PLCB3: variants seen among roughly 807,000 people sequenced by gnomAD.
PLCB3 encodes phospholipase C beta 3.
PLCB3 carries 54 observed loss-of-function variants against 152.1 expected under a neutral mutation model. The ratio of observed to expected loss-of-function variants is 0.36; its 90% CI spans 0.29 to 0.45. The LOEUF is 0.45. PLCB3 is among the 20% of genes least tolerant of loss of function. The probability of loss-of-function intolerance (pLI) is 1.00; values close to 1 mark genes in which losing one functional copy is unlikely to be tolerated. For synonymous variants in PLCB3, 717 were observed against 698.7 expected, an observed-to-expected ratio of 1.03 and a Z score of -0.41; for missense variants, 1,248 against 1,687.5, an observed-to-expected ratio of 0.74 and a Z score of 4.56.
rs1459030393 is a variant in PLCB3 at position 64,266,038 on chromosome 11, A to AGGTAGG, written c.3189+2_3189+7dup. 2 of 1,614,022 alleles carry AGGTAGG rather than the reference A, an allele frequency of 1.2e-6. No individual in the cohort carries two copies. The highest frequency in any genetic ancestry group is 1.7e-6 in the Non-Finnish European group (2 of 1,180,000). ...CAGCGGAGGCTGGAACACCTGAGAC[A>AGGTAGG]GGTAGGGGGCCTGCAGTGGCCAGGG... On this transcript the variant is annotated inframe_insertion and splice_region_variant, in exon 26 of 31. Transcript: ENST00000279230. The surrounding 1 kb of genome is among the most constrained non-coding windows in gnomAD (Gnocchi z 4.9).
chr11:64,260,967 A>G (rs571413457), intron 14 of PLCB3, among the ~76,000 whole-genome samples: 1 of 152,264 alleles, frequency 6.6e-6, no homozygotes, highest in South Asian at 2.1e-4. Context: ...CATGATGTCT[A>G]TAATTTACTC....
At chr11:64,254,626 G>T in intron 2 of PLCB3, 122 bp from the exon 3 acceptor site, 1 of 1,364,198 alleles carries the variant, frequency 7.3e-7, no homozygotes, top group Non-Finnish European at 1.0e-6. Context: ...GCTCAGGGCA[G>T]GAGCTGAGGC....
At chr11:64,263,309 G>A in intron 19 of PLCB3, 189 bp from the exon 20 acceptor site, 1 of 577,738 alleles carries the variant, frequency 1.7e-6, no homozygotes, top group Non-Finnish European at 3.1e-6. Context: ...GATGGCTGCA[G>A]TCATCCATTA....
chr11:64,262,153 C>G (rs1235749067), intron 17 of PLCB3, 77 bp downstream of exon 17: 15 of 1,572,530 alleles, frequency 9.5e-6, no homozygotes, highest in Non-Finnish European at 1.3e-5. Flanking sequence ...GCTGGTCTTG[C>G]CTGAATGGAC....
At chr11:64,254,871 C>T (rs763459457) in intron 3 of PLCB3, 27 bp from the exon 4 acceptor site, 4 of 1,613,188 alleles carry the variant, frequency 2.5e-6, no homozygotes, top group South Asian at 2.2e-5. Flanking sequence ...GGAGCCCCCT[C>T]TTCACCCTTC....
Position 64,261,494 on chromosome 11 carries a change from G to A in PLCB3, c.1826G>A (p.Arg609Gln), listed in dbSNP as rs754593540. 6 of 1,613,682 alleles carry A rather than the reference G, an allele frequency of 3.7e-6. No homozygotes were observed. The highest frequency in any genetic ancestry group is 2.2e-5 in the East Asian group (1 of 44,886). The change falls in exon 15 of 31, where the codon CGA (arginine) becomes CAA (glutamine). Residue 609 changes from arginine (R) to glutamine (Q), a missense_variant and splice_region_variant. This residue lies in a region of PLCB3 where 244 missense variants were observed against 424.4 expected (regional missense o/e 0.57). Transcript: ENST00000279230. ...PVKFKSFEAA[R>Q]KRNKCFEMSS... ...AAGTTCAAGTCCTTTGAGGCTGCTCGAAGTGAGTGGGGGTGGGTGGCAGGC... is the reference window on the plus strand; with the variant it reads ...AAGTTCAAGTCCTTTGAGGCTGCTCAAAGTGAGTGGGGGTGGGTGGCAGGC...
intron 25 of PLCB3, 117 bp from the exon 26 acceptor site, chr11:64,265,769 C>A: frequency 1.4e-6 from 2 of 1,384,594 alleles, no homozygotes; most frequent in Non-Finnish European, 2.0e-6. Context: ...GCATAACAGA[C>A]CTGGCCCCAT....
At chr11:64,253,233 C>T (rs2135036608) in intron 1 of PLCB3, among the ~76,000 whole-genome samples, 1 of 152,308 alleles carries the variant, frequency 6.6e-6, no homozygotes, top group South Asian at 2.1e-4. Context: ...AGTCTCCGCT[C>T]CCTGCTTCCC....
chr11:64,261,018 T>C (rs1257940449), intron 14 of PLCB3, among the ~76,000 whole-genome samples: 1 of 152,154 alleles, frequency 6.6e-6, no homozygotes, highest in Admixed American at 6.6e-5. Context: ...ATAACACCTA[T>C]ATGGGCCAGG....
chr11:64,254,326 C>A, intron 1 of PLCB3, 89 bp from the exon 2 acceptor site: 2 of 1,058,654 alleles, frequency 1.9e-6, no homozygotes, highest in Non-Finnish European at 2.9e-6. Context: ...TGGGCAGGAA[C>A]TCTGGGGTGC....
In PLCB3 at chr11:64,255,091, C is replaced by G; in HGVS notation, c.387+53C>G. On this transcript the variant is annotated intron_variant, in intron 4 of 30. Coordinates refer to ENST00000279230, the MANE Select transcript of PLCB3 (RefSeq NM_000932.5). The surrounding 1 kb of genome is among the most constrained non-coding windows in gnomAD (Gnocchi z 6.8). ...GGAGTCACTGTCTTATTCTGTGAGT[C>G]GGCCGTCACTTACCGAACACCTGCT... is the stretch of plus-strand genomic sequence containing the variant. 1.9e-6 allele frequency: 3 copies of G among 1,570,364 alleles called. No individual in the cohort carries two copies. In the South Asian group the frequency reaches 3.4e-5, roughly 18 times the overall value.
Position 64,265,023 on chromosome 11 carries a change from AC to A in PLCB3, c.2730del (p.Ser911AlafsTer102). The A allele has an allele frequency of 9.6e-7, 1 of 1,040,206 alleles. No individual in the cohort carries two copies. The highest frequency in any genetic ancestry group is 1.2e-6 in the Non-Finnish European group (1 of 813,062). 64.4% of individuals were successfully genotyped at this position (1,040,206 alleles called of 1,614,324 possible). Reference sequence around the variant, plus strand: ...GGGGTCTCAGCCGTCCTCAAACCCCACCCCCAGCCCACTGGATGCCTCCCCC... The same window carrying A: ...GGGGTCTCAGCCGTCCTCAAACCCCACCCCAGCCCACTGGATGCCTCCCCC... ...QLGSQPSSNP[T>X]PSPLDASPRR... is the part of the protein sequence containing the mutation. On this transcript the variant is annotated frameshift_variant, in exon 23 of 31. Transcript: ENST00000279230. LOFTEE classifies it high-confidence loss of function.
chr11:64,260,022 T>C lies in PLCB3; in HGVS notation c.1526-7T>C, dbSNP rs1285862283. ...GACCCCTCACCCTGTGGCCCTGTCC[T>C]CTGCAGGGTCTCCCAGCTCTGACAG... On this transcript the variant is annotated splice_polypyrimidine_tract_variant and splice_region_variant and intron_variant, in intron 13 of 30. Transcript: ENST00000279230. 1 of 1,609,348 alleles carries C rather than the reference T, an allele frequency of 6.2e-7. No individual in the cohort carries two copies. Among genetic ancestry groups the C allele is most frequent in the East Asian group, 2.2e-5 (1 of 44,856 alleles).
At position 64,267,608 on chromosome 11, in the gene PLCB3, A is replaced by T; in HGVS notation, c.*52A>T. 1 of 1,231,406 alleles carries T rather than the reference A, an allele frequency of 8.1e-7. No homozygotes were observed. The highest frequency in any genetic ancestry group is 1.1e-6 in the Non-Finnish European group (1 of 887,992). 76.3% of individuals were successfully genotyped at this position (1,231,406 alleles called of 1,614,324 possible). On this transcript the variant is annotated 3_prime_UTR_variant, in exon 31 of 31. Coordinates refer to ENST00000279230, the MANE Select transcript of PLCB3 (RefSeq NM_000932.5). The surrounding 1 kb of genome is among the most constrained non-coding windows in gnomAD (Gnocchi z 5.2). ...CCAGGGCGGGCGCTGGGTGGAGGGC[A>T]GGAGGCAATGACACTAATGCTTTTT...
At chr11:64,257,538 T>G (rs1049155136) in intron 10 of PLCB3, among the ~76,000 whole-genome samples, 3 of 151,678 alleles carry the variant, frequency 2.0e-5, no homozygotes, top group African/African-American at 7.3e-5. Flanking sequence ...TATCGCTTGG[T>G]TCTGGGAAGG....
In PLCB3 at chr11:64,262,708, T is replaced by G. The variant is rs1238319926; in HGVS notation, c.2255T>G (p.Phe752Cys). The G allele has an allele frequency of 6.8e-6, 11 of 1,613,814 alleles. No individual in the cohort carries two copies. The highest frequency in any genetic ancestry group is 8.5e-6 in the Non-Finnish European group (10 of 1,180,010). ...GGCATCTACGTGGAGGTGGACATGT[T>G]TGGCCTCCCTGTTGATACGCGGCGC... Reference protein sequence around the residue: ...KVGIYVEVDMFGLPVDTRRKY... With the variant: ...KVGIYVEVDMCGLPVDTRRKY... The change falls in exon 19 of 31, where the codon TTT becomes TGT. Residue 752 changes from phenylalanine to cysteine, a missense_variant. Transcript: ENST00000279230.
At position 64,258,651 on chromosome 11, in the gene PLCB3, C is replaced by A. The variant is rs141037173; in HGVS notation, c.1191C>A (p.Ala397=). ...VPLRDVLEAI[A]ETAFKTSPYP... ...TGCGCGACGTGCTGGAGGCCATTGC[C>A]GAGACTGCCTTCAAGACCTCGCCCT... Residue 397 remains alanine, a synonymous_variant, in exon 11 of 31, where the codon GCC becomes GCA. Coordinates refer to ENST00000279230, the MANE Select transcript of PLCB3 (RefSeq NM_000932.5). This position sits in a 1 kb window ranked among gnomAD's most constrained non-coding sequence, Gnocchi z 7.2. 1 of 1,614,048 alleles carries A rather than the reference C, an allele frequency of 6.2e-7. No homozygotes were observed. Among genetic ancestry groups the A allele is most frequent in the East Asian group, 2.2e-5 (1 of 44,866 alleles).
chr11:64,255,913 G>T lies in PLCB3; in HGVS notation c.698+92G>T. 9.9e-7 allele frequency: 1 copy of T among 1,008,114 alleles called. No individual in the cohort carries two copies. Among genetic ancestry groups the T allele is most frequent in the Non-Finnish European group, 1.6e-6 (1 of 638,306 alleles). The allele number at this position is 1,008,114 out of a possible 1,614,324, so 62.4% of individuals were successfully genotyped here. A position where few individuals can be genotyped will look rare whatever the true frequency, so the allele number is the denominator to read the frequency against. ...AGCTCAATGGGGAGAGGGGAAACTG[G>T]TGGGCCGGGTCCTGGAGCGCCAGGG... On this transcript the variant is annotated intron_variant, in intron 8 of 30. Transcript: ENST00000279230. The surrounding 1 kb of genome is among the most constrained non-coding windows in gnomAD (Gnocchi z 6.8).
At position 64,264,985 on chromosome 11, in the gene PLCB3, A is replaced by C. The variant is rs1241450021; in HGVS notation, c.2687A>C (p.Gln896Pro). 2 of 1,612,382 alleles carry C rather than the reference A, an allele frequency of 1.2e-6. No individual in the cohort carries two copies. Among genetic ancestry groups the C allele is most frequent in the Admixed American group, 3.3e-5 (2 of 59,984 alleles). The stretch of plus-strand genomic sequence containing the variant: ...GGCCAAGAGACGTGCCAGGACACCC[A>C]GTCTCAGCAGCTGGGGTCTCAGCCG... ...QAGQETCQDT[Q>P]SQQLGSQPSS... The change falls in exon 23 of 31, where the codon CAG becomes CCG. Residue 896 changes from glutamine to proline, a missense_variant. Transcript: ENST00000279230.
Sources: allele counts gnomAD v4.1 joint callset (sites outside exome capture counted in the v4.1 genomes callset), GRCh38; gene constraint gnomAD v4.1.1; regional missense constraint gnomAD v4.1.1; non-coding constraint Gnocchi (gnomAD v3.1); transcripts MANE v1.5; gene names NCBI Gene and HGNC (gene_info 2026-07-23, HGNC 2026-07-21).